Variants in PTCHD4 observed in about 807,000 individuals in gnomAD.
PTCHD4 encodes the protein patched domain-containing protein 4.
In PTCHD4, 33 loss-of-function variants were observed where a neutral mutation model predicts 58.1. The ratio of observed to expected loss-of-function variants is 0.57; its 90% confidence interval spans 0.43 to 0.76. PTCHD4 has a LOEUF of 0.76. PTCHD4 is among the 30% of genes least tolerant of loss of function. The pLI, the probability that PTCHD4 is intolerant of heterozygous loss-of-function variation, is 0.00. For missense variants in PTCHD4, 1,058 were observed against 1,027.1 expected, an observed-to-expected ratio of 1.03 and a Z score of -0.41; for synonymous variants, 478 against 409.6, an observed-to-expected ratio of 1.17 and a Z score of -2.02.
intron 1 of PTCHD4, among the ~76,000 whole-genome samples, chr6:48,105,672 GAGA>G (rs1765702721): frequency 1.3e-5 from 2 of 150,648 alleles, no homozygotes; most frequent in East Asian, 2.0e-4. Flanking sequence ...CTGGTTTTTT[GAGA>G]AGATCAACAA....
intron 3 of PTCHD4, among the ~76,000 whole-genome samples, chr6:48,044,272 C>T (rs1273461853): frequency 6.6e-6 from 1 of 151,840 alleles, no homozygotes; most frequent in African/African-American, 2.4e-5. Flanking sequence ...TTATCTGGAA[C>T]TACATTCTTT....
At chr6:47,945,019 G>T (rs1048772948) in intron 4 of PTCHD4, among the ~76,000 whole-genome samples, 9 of 152,034 alleles carry the variant, frequency 5.9e-5, no homozygotes, top group Non-Finnish European at 2.9e-5. Flanking sequence ...TGCTAAGCAG[G>T]TGATAAAAAT....
chr6:48,065,216 C>G (rs1764756247), intron 3 of PTCHD4, among the ~76,000 whole-genome samples: 1 of 152,194 alleles, frequency 6.6e-6, no homozygotes, highest in Non-Finnish European at 1.5e-5. Flanking sequence ...CAGCCTGTCC[C>G]TAAGCACTGA....
chr6:48,004,468 T>C (rs1768872976), intron 4 of PTCHD4, among the ~76,000 whole-genome samples: 1 of 152,160 alleles, frequency 6.6e-6, no homozygotes, highest in South Asian at 2.1e-4. Flanking sequence ...ATATTTCTTC[T>C]TCCAGAAAGA....
intron 4 of PTCHD4, among the ~76,000 whole-genome samples, chr6:48,005,878 C>T (rs1234547033): frequency 6.6e-6 from 1 of 152,180 alleles, no homozygotes; most frequent in Non-Finnish European, 1.5e-5. Context: ...AGGGATGTCA[C>T]AGAACTGCCC....
intron 4 of PTCHD4, among the ~76,000 whole-genome samples, chr6:47,937,263 G>A (rs946240342): frequency 5.9e-5 from 9 of 152,200 alleles, no homozygotes; most frequent in Admixed American, 1.3e-4. Flanking sequence ...CGGAAGTAGA[G>A]AGACTAGTCA....
At chr6:48,035,131 A>G (rs565628340) in intron 3 of PTCHD4, among the ~76,000 whole-genome samples, 1 of 152,258 alleles carries the variant, frequency 6.6e-6, no homozygotes, top group South Asian at 2.1e-4. Flanking sequence ...GTAGTAGATG[A>G]ATAAGGCTCT....
chr6:47,941,424 G>T (rs1766219439), intron 4 of PTCHD4, among the ~76,000 whole-genome samples: 1 of 152,088 alleles, frequency 6.6e-6, no homozygotes, highest in South Asian at 2.1e-4. Flanking sequence ...GCTCCCAGTT[G>T]CCTATATTAT....
Position 48,061,208 on chromosome 6 carries a change from A to AT in PTCHD4, c.417+7021dup, listed in dbSNP as rs527670173. ...AAGGGACTTGAGAAAAATGCTGCTGATTTTTTTTTCTTAAAGAGATGGTTG... is the reference window on the plus strand; with the variant it reads ...AAGGGACTTGAGAAAAATGCTGCTGATTTTTTTTTTCTTAAAGAGATGGTTG... On this transcript the variant is annotated intron_variant, in intron 3 of 4. Coordinates refer to ENST00000339488, the MANE Select transcript of PTCHD4 (RefSeq NM_001384253.1). Among the ~76,000 whole-genome samples the AT allele has an allele frequency of 6.9e-4, 105 of 151,818 alleles. 1 individual carries two copies. The highest frequency in any genetic ancestry group is 6.8e-3 in the Middle Eastern group (2 of 294).
At chr6:48,054,261 T>C (rs1764333530) in intron 3 of PTCHD4, among the ~76,000 whole-genome samples, 2 of 152,180 alleles carry the variant, frequency 1.3e-5, no homozygotes, top group Non-Finnish European at 1.5e-5. Flanking sequence ...CACAAGGTAC[T>C]CTTAGAAGCT....
At chr6:48,088,572 G>A (rs1765305931) in intron 1 of PTCHD4, among the ~76,000 whole-genome samples, 1 of 152,096 alleles carries the variant, frequency 6.6e-6, no homozygotes, top group South Asian at 2.1e-4. Flanking sequence ...TAAAAGCTGT[G>A]ATATGAAAAT....
At chr6:48,006,139 G>A (rs1762428211) in intron 4 of PTCHD4, among the ~76,000 whole-genome samples, 1 of 152,164 alleles carries the variant, frequency 6.6e-6, no homozygotes, top group Non-Finnish European at 1.5e-5. Flanking sequence ...TTGAATTGCA[G>A]AAATACTTCA....
chr6:47,906,578 T>C (rs1764894770), intron 4 of PTCHD4, among the ~76,000 whole-genome samples: 1 of 152,176 alleles, frequency 6.6e-6, no homozygotes, highest in Non-Finnish European at 1.5e-5. Flanking sequence ...TGCACCTCCA[T>C]TTTCAGACTA....
At chr6:47,965,893 T>C (rs1767272387) in intron 4 of PTCHD4, among the ~76,000 whole-genome samples, 3 of 151,998 alleles carry the variant, frequency 2.0e-5, no homozygotes. Flanking sequence ...CCAGCCTGGG[T>C]GACACAGCGA....
In PTCHD4 at chr6:47,919,477, T is replaced by C. The variant is rs533869249; in HGVS notation, c.899-39541A>G. ...GATTATGGACAGCCTCTCTGAGGAG[T>C]TGGCAATTAGGAAATCAGAATGATA... On this transcript the variant is annotated intron_variant, in intron 4 of 4. Transcript: ENST00000339488. 5.9e-5 allele frequency among the ~76,000 whole-genome samples: 9 copies of C among 151,980 alleles called. No homozygotes were observed. In the South Asian group the frequency reaches 6.2e-4, roughly 11 times the overall value.
At chr6:47,901,818 A>G in intron 4 of PTCHD4, 2 of 1,287,322 alleles carry the variant, frequency 1.6e-6, no homozygotes, top group South Asian at 1.3e-5. Flanking sequence ...GAGTCTTCAC[A>G]TATAATCTTC....
At chr6:48,094,036 TG>T (rs928795993) in intron 1 of PTCHD4, among the ~76,000 whole-genome samples, 1 of 152,182 alleles carries the variant, frequency 6.6e-6, no homozygotes, top group African/African-American at 2.4e-5. Flanking sequence ...TGAATTGTTA[TG>T]GGAACACATA....
chr6:48,020,887 CTT>C (rs879814601), intron 3 of PTCHD4, among the ~76,000 whole-genome samples: 7 of 151,896 alleles, frequency 4.6e-5, no homozygotes, highest in African/African-American at 4.8e-5. Flanking sequence ...GTTCTGATTT[CTT>C]TGTTAGGTTA....
chr6:47,903,769 A>G (rs1006303782), intron 4 of PTCHD4, among the ~76,000 whole-genome samples: 2 of 152,190 alleles, frequency 1.3e-5, no homozygotes, highest in African/African-American at 2.4e-5. Context: ...ACAATAAATA[A>G]CATAAATAAG....
Sources: allele counts gnomAD v4.1 joint callset (sites outside exome capture counted in the v4.1 genomes callset), GRCh38; gene constraint gnomAD v4.1.1; transcripts MANE v1.5; gene names NCBI Gene and HGNC (gene_info 2026-07-23, HGNC 2026-07-21).